Variants in TTC7B observed in about 807,000 individuals in gnomAD.
TTC7B encodes the protein tetratricopeptide repeat protein 7B.
In TTC7B, 28 loss-of-function variants were observed where a neutral mutation model predicts 106.8. That is an observed-to-expected ratio of 0.26 (90% confidence interval 0.19 to 0.36). TTC7B has a LOEUF of 0.36. Among genes scored for constraint, TTC7B ranks in the 10% least tolerant of loss-of-function variants. The pLI, the probability that TTC7B is intolerant of heterozygous loss-of-function variation, is 1.00. For missense variants in TTC7B, 862 were observed against 1,076.4 expected, an observed-to-expected ratio of 0.80 and a Z score of 2.79; for synonymous variants, 405 against 430.6, an observed-to-expected ratio of 0.94 and a Z score of 0.74.
chr14:90,679,348 G>A (rs540151638), intron 8 of TTC7B, among the ~76,000 whole-genome samples: 20 of 152,258 alleles, frequency 1.3e-4, no homozygotes, highest in East Asian at 3.9e-4. Flanking sequence ...TTCTCTCCGC[G>A]CATGTACGTT....
intron 13 of TTC7B, among the ~76,000 whole-genome samples, chr14:90,650,511 C>T (rs1885670358): frequency 6.6e-6 from 1 of 151,990 alleles, no homozygotes; most frequent in Admixed American, 6.5e-5. Flanking sequence ...ACCCTATATG[C>T]ACACATCATA....
At chr14:90,683,710 T>C (rs1887145054) in intron 7 of TTC7B, among the ~76,000 whole-genome samples, 1 of 151,950 alleles carries the variant, frequency 6.6e-6, no homozygotes, top group Non-Finnish European at 1.5e-5. Flanking sequence ...GTGGGTCAGG[T>C]GAATCCCACA....
At chr14:90,720,889 C>T (rs1334464971) in intron 5 of TTC7B, among the ~76,000 whole-genome samples, 1 of 152,166 alleles carries the variant, frequency 6.6e-6, no homozygotes, top group Non-Finnish European at 1.5e-5. Context: ...TGTCTCGACC[C>T]TAGTTCCTGA....
chr14:90,780,595 T>A lies in TTC7B; in HGVS notation c.445+143A>T. 6.8e-6 allele frequency: 6 copies of A among 885,392 alleles called. No individual in the cohort carries two copies. The South Asian group carries it at 1.0e-4, about 15-fold the overall frequency. 54.8% of individuals were successfully genotyped at this position (885,392 alleles called of 1,614,324 possible). A position where few individuals can be genotyped will look rare whatever the true frequency, so the allele number is the denominator to read the frequency against. ...CTGCTGGGCTTAGCATGACCCAGCA[T>A]GTGCTGCAGGGCGGCCCCAGCAGCC... On this transcript the variant is annotated intron_variant, in intron 3 of 19. Transcript: ENST00000328459.
At chr14:90,619,146 C>G (rs1893207396) in intron 15 of TTC7B, among the ~76,000 whole-genome samples, 1 of 152,214 alleles carries the variant, frequency 6.6e-6, no homozygotes, top group South Asian at 2.1e-4. Flanking sequence ...TCGTGATCCT[C>G]CCAAAGTGCT....
At chr14:90,682,449 C>G (rs1476559700) in intron 7 of TTC7B, among the ~76,000 whole-genome samples, 1 of 152,216 alleles carries the variant, frequency 6.6e-6, no homozygotes, top group Non-Finnish European at 1.5e-5. Context: ...CATACCTAAA[C>G]AACTACACAT....
Position 90,545,420 on chromosome 14 carries a change from C to T in TTC7B, c.2311-3831G>A, listed in dbSNP as rs77652416. Among the ~76,000 whole-genome samples, 17 of 152,376 alleles carry T rather than the reference C, an allele frequency of 1.1e-4. No homozygotes were observed. In the East Asian group the frequency reaches 3.3e-3, roughly 29 times the overall value. On this transcript the variant is annotated intron_variant, in intron 19 of 19. Coordinates refer to ENST00000328459, the MANE Select transcript of TTC7B (RefSeq NM_001010854.2). The stretch of plus-strand genomic sequence containing the variant: ...GGGGAAATTGCTCCTCTCCAAGGCA[C>T]AGCTTCCCTCTGGCTCAGATCTGTG...
chr14:90,710,082 G>A (rs1050511268), intron 5 of TTC7B, among the ~76,000 whole-genome samples: 1 of 146,278 alleles, frequency 6.8e-6, no homozygotes, highest in African/African-American at 2.5e-5. Context: ...GAAAACCTCT[G>A]GAAAGGATTC....
intron 5 of TTC7B, among the ~76,000 whole-genome samples, chr14:90,725,133 C>A (rs1007573581): frequency 3.3e-5 from 5 of 152,184 alleles, no homozygotes; most frequent in African/African-American, 1.2e-4. Context: ...CAGTGGACTC[C>A]TACTGTCAAA....
intron 1 of TTC7B, among the ~76,000 whole-genome samples, chr14:90,799,656 C>A (rs1218628152): frequency 6.6e-6 from 1 of 152,008 alleles, no homozygotes; most frequent in African/African-American, 2.4e-5. Flanking sequence ...CTGGTGTGTT[C>A]CAGGAACAGC....
intron 3 of TTC7B, chr14:90,767,063 G>T: frequency 2.6e-6 from 2 of 757,576 alleles, no homozygotes; most frequent in Non-Finnish European, 4.1e-6. Flanking sequence ...AGGAAGAAAA[G>T]AAATTCTGGG....
intron 11 of TTC7B, among the ~76,000 whole-genome samples, chr14:90,656,794 A>C (rs1885964520): frequency 6.6e-6 from 1 of 152,238 alleles, no homozygotes; most frequent in African/African-American, 2.4e-5. Context: ...CTCAAAAACA[A>C]AAACAAAAGC....
chr14:90,636,520 AT>A (rs1453328270), intron 15 of TTC7B, among the ~76,000 whole-genome samples: 7 of 151,860 alleles, frequency 4.6e-5, no homozygotes, highest in Non-Finnish European at 1.0e-4. Flanking sequence ...AAAAACCTCT[AT>A]AAAAACAAAA....
chr14:90,743,423 T>A (rs902923699), intron 4 of TTC7B, among the ~76,000 whole-genome samples: 1 of 152,214 alleles, frequency 6.6e-6, no homozygotes, highest in African/African-American at 2.4e-5. Context: ...TAGGGAGACT[T>A]TGGCAGTCTC....
In TTC7B at chr14:90,532,588, T is replaced by C. The variant is rs567938047; in HGVS notation, c.*8780A>G. On this transcript the variant is annotated 3_prime_UTR_variant, in exon 20 of 20. Coordinates refer to ENST00000328459, the MANE Select transcript of TTC7B (RefSeq NM_001010854.2). ...CAGAGGTGTCCCCGACCAGCCAATC[T>C]AAAGTAACCCTCCCCCTGTCACTTC... is the stretch of plus-strand genomic sequence containing the variant. 6.6e-6 allele frequency: 1 copy of C among 152,350 alleles called. No individual in the cohort carries two copies. Among genetic ancestry groups the C allele is most frequent in the Non-Finnish European group, 1.5e-5 (1 of 68,052 alleles). The allele number at this position is 152,350 out of a possible 1,614,324, so 9.4% of individuals were successfully genotyped here.
intron 3 of TTC7B, among the ~76,000 whole-genome samples, chr14:90,747,629 G>A (rs1890009927): frequency 1.3e-5 from 2 of 152,236 alleles, no homozygotes; most frequent in Admixed American, 6.5e-5. Context: ...TATAAATGTC[G>A]ATTAGGTCAA....
intron 5 of TTC7B, among the ~76,000 whole-genome samples, chr14:90,728,967 C>G (rs1259612424): frequency 6.6e-6 from 1 of 152,216 alleles, no homozygotes; most frequent in South Asian, 2.1e-4. Flanking sequence ...GCTTAGGGGA[C>G]GTGCACCGTT....
At chr14:90,699,161 G>C (rs1419388911) in intron 5 of TTC7B, 1 of 455,814 alleles carries the variant, frequency 2.2e-6, no homozygotes, top group Non-Finnish European at 4.4e-6. Flanking sequence ...ACCGCACCTG[G>C]TTTCGTCCTG....
At chr14:90,779,053 G>A (rs993589741) in intron 3 of TTC7B, among the ~76,000 whole-genome samples, 6 of 152,144 alleles carry the variant, frequency 3.9e-5, no homozygotes, top group Admixed American at 1.3e-4. Context: ...GGAGGGACGC[G>A]CCACCCAGGG....
Sources: allele counts gnomAD v4.1 joint callset (sites outside exome capture counted in the v4.1 genomes callset), GRCh38; gene constraint gnomAD v4.1.1; transcripts MANE v1.5; gene names NCBI Gene and HGNC (gene_info 2026-07-23, HGNC 2026-07-21).